The following TNR variants were observed in gnomAD, a reference collection of about 807,000 sequenced individuals.
TNR encodes tenascin-R.
A neutral mutation model predicts 150.4 loss-of-function variants in TNR; 45 were observed. That is an observed-to-expected ratio of 0.30 (90% CI 0.24 to 0.38). The LOEUF (loss-of-function observed/expected upper bound fraction) is 0.38. Ranked by LOEUF, TNR falls within the 10% of genes least tolerant of loss-of-function variation. The pLI is 1.00. For synonymous variants in TNR, 687 were observed against 678.4 expected (o/e 1.01, Z -0.20); for missense variants, 1,544 against 1,759.1 (o/e 0.88, Z 2.19).
intron 1 of TNR, among the ~76,000 whole-genome samples, chr1:175,710,002 A>G (rs1450018378): frequency 6.6e-6 from 1 of 152,128 alleles, no homozygotes; most frequent in Non-Finnish European, 1.5e-5. Context: ...TTGGTAGATT[A>G]TTCTAAGAAC....
chr1:175,618,548 GC>G (rs1205060356), intron 1 of TNR, among the ~76,000 whole-genome samples: 1 of 152,108 alleles, frequency 6.6e-6, no homozygotes, highest in Non-Finnish European at 1.5e-5. Context: ...GGGAGTCTCT[GC>G]CCCAACTGGC....
chr1:175,331,031 T>C (rs1190556139), intron 20 of TNR, among the ~76,000 whole-genome samples: 4 of 69,382 alleles, frequency 5.8e-5, no homozygotes, highest in Non-Finnish European at 9.3e-5. Context: ...CTTTCTTTCT[T>C]TCTTTCTTTC....
chr1:175,596,817 G>A (rs2101843084), intron 1 of TNR, among the ~76,000 whole-genome samples: 1 of 152,204 alleles, frequency 6.6e-6, no homozygotes, highest in South Asian at 2.1e-4. Context: ...AATGATTTTG[G>A]TCAAAACAGC....
At chr1:175,446,832 C>A (rs1182469085) in intron 2 of TNR, among the ~76,000 whole-genome samples, 2 of 151,968 alleles carry the variant, frequency 1.3e-5, no homozygotes, top group East Asian at 3.9e-4. Context: ...GGTGTGGCTG[C>A]CTTGGACTTT....
At chr1:175,408,002 C>A (rs1654037108) in intron 2 of TNR, among the ~76,000 whole-genome samples, 1 of 152,184 alleles carries the variant, frequency 6.6e-6, no homozygotes, top group African/African-American at 2.4e-5. Flanking sequence ...ATTCAATGTT[C>A]TTTTCTCCAT....
At chr1:175,675,677 G>A (rs1161192080) in intron 1 of TNR, among the ~76,000 whole-genome samples, 2 of 152,166 alleles carry the variant, frequency 1.3e-5, no homozygotes, top group Non-Finnish European at 2.9e-5. Flanking sequence ...CTGTCTACGA[G>A]AAAAGTTTAT....
chr1:175,390,088 T>C (rs760093251), intron 7 of TNR, among the ~76,000 whole-genome samples: 8 of 152,240 alleles, frequency 5.3e-5, no homozygotes, highest in Non-Finnish European at 7.3e-5. Flanking sequence ...GGCACTGCCA[T>C]AGAACCTTGG....
At chr1:175,438,373 G>A (rs188049173) in intron 2 of TNR, among the ~76,000 whole-genome samples, 1,701 of 152,214 alleles carry the variant, frequency 0.011, 40 homozygotes, top group African/African-American at 0.039. Context: ...TTGATGGGAC[G>A]TATCTCAAAA....
chr1:175,573,987 G>A (rs1661994168), intron 1 of TNR, among the ~76,000 whole-genome samples: 1 of 152,214 alleles, frequency 6.6e-6, no homozygotes, highest in Non-Finnish European at 1.5e-5. Flanking sequence ...GGTTGGCCAA[G>A]GGGGCCCTTC....
Position 175,423,542 on chromosome 1 carries a change from C to T in TNR, c.-63-16765G>A, listed in dbSNP as rs535330870. Among the ~76,000 whole-genome samples, 4 of 152,280 alleles carry T rather than the reference C, an allele frequency of 2.6e-5. No individual in the cohort carries two copies. The East Asian group carries it at 7.7e-4, about 29-fold the overall frequency. Reference sequence around the variant, plus strand: ...GAGTGGGGCTGACTAGGATGTGAATCGAGATCTCAATCCCCTAGGATCCAT... The same window carrying T: ...GAGTGGGGCTGACTAGGATGTGAATTGAGATCTCAATCCCCTAGGATCCAT... On this transcript the variant is annotated intron_variant, in intron 2 of 22. Coordinates refer to ENST00000367674, the MANE Select transcript of TNR (RefSeq NM_003285.3).
intron 9 of TNR, among the ~76,000 whole-genome samples, chr1:175,368,217 G>C (rs1437884344): frequency 2.0e-5 from 3 of 152,218 alleles, no homozygotes; most frequent in South Asian, 2.1e-4. Flanking sequence ...TAGTTCAGGA[G>C]GTCTGCAGTC....
intron 2 of TNR, among the ~76,000 whole-genome samples, chr1:175,429,227 A>G (rs557209195): frequency 6.6e-6 from 1 of 152,334 alleles, no homozygotes; most frequent in East Asian, 1.9e-4. Context: ...AGAAATTTTC[A>G]GTCTTTAACA....
intron 7 of TNR, among the ~76,000 whole-genome samples, chr1:175,388,697 C>T (rs2102032952): frequency 6.6e-6 from 1 of 152,312 alleles, no homozygotes; most frequent in East Asian, 1.9e-4. Context: ...CAAACACAAT[C>T]CCTGCTCAAA....
At chr1:175,635,818 A>C (rs924890577) in intron 1 of TNR, among the ~76,000 whole-genome samples, 4 of 152,196 alleles carry the variant, frequency 2.6e-5, no homozygotes, top group Non-Finnish European at 5.9e-5. Flanking sequence ...GAGAGTTAGC[A>C]TTACCTACAT....
chr1:175,378,757 T>C (rs1310614809), intron 9 of TNR, among the ~76,000 whole-genome samples: 2 of 152,140 alleles, frequency 1.3e-5, no homozygotes, highest in African/African-American at 2.4e-5. Context: ...GAGGTGAGCC[T>C]GGAGAGGGCA....
Position 175,363,744 on chromosome 1 carries a change from A to C in TNR, c.2671T>G (p.Phe891Val). The C allele has an allele frequency of 6.2e-7, 1 of 1,613,948 alleles. No homozygotes were observed. The highest frequency in any genetic ancestry group is 1.7e-5 in the Admixed American group (1 of 60,018). The change falls in exon 13 of 23, where the codon TTC becomes GTC. Residue 891 changes from phenylalanine to valine, a missense_variant. Physicochemically the swap from Phe to Val is conservative, Grantham distance 50. Around this residue, in one of 2 missense-constraint regions of TNR, gnomAD observed 1,254 missense variants for 1,329.4 expected, o/e 0.94. Transcript: ENST00000367674. ...CGATATGATACTCGGTAGTAATCGAAAGATGCAACAGGAGGGCTCCAGGAG... is the reference window on the plus strand; with the variant it reads ...CGATATGATACTCGGTAGTAATCGACAGATGCAACAGGAGGGCTCCAGGAG... ...MVSWSPPVASFDYYRVSYRPT... is the reference protein window; with the variant it reads ...MVSWSPPVASVDYYRVSYRPT...
chr1:175,720,747 C>A (rs951239440), intron 1 of TNR, among the ~76,000 whole-genome samples: 4 of 152,192 alleles, frequency 2.6e-5, no homozygotes, highest in African/African-American at 9.6e-5. Context: ...AAGTTTCCTG[C>A]CCAGTGGAGG....
At chr1:175,714,752 C>T (rs577498326) in intron 1 of TNR, among the ~76,000 whole-genome samples, 1 of 152,316 alleles carries the variant, frequency 6.6e-6, no homozygotes, top group South Asian at 2.1e-4. Flanking sequence ...ATTACTCTGC[C>T]TGAGCCAGGA....
intron 2 of TNR, among the ~76,000 whole-genome samples, chr1:175,513,273 C>T (rs1398228933): frequency 6.6e-6 from 1 of 152,150 alleles, no homozygotes; most frequent in African/African-American, 2.4e-5. Flanking sequence ...ATGTTTCCTC[C>T]CATATGGAGG....
Sources: allele counts gnomAD v4.1 joint callset (sites outside exome capture counted in the v4.1 genomes callset), GRCh38; gene constraint gnomAD v4.1.1; regional missense constraint gnomAD v4.1.1; transcripts MANE v1.5; gene names NCBI Gene and HGNC (gene_info 2026-07-23, HGNC 2026-07-21).